ZNF470: variants seen among roughly 807,000 people sequenced by gnomAD.
ZNF470 encodes the protein zinc finger protein 470.
Under a neutral mutation model 13.9 loss-of-function variants are expected in ZNF470, and 13 were observed. The ratio of observed to expected loss-of-function variants is 0.94; its 90% confidence interval spans 0.61 to 1.49. The LOEUF (loss-of-function observed/expected upper bound fraction) is 1.49, where lower values mean the gene tolerates loss of function less well. ZNF470 is among the 40% of genes most tolerant of loss of function. ZNF470 has a pLI of 0.00. For synonymous variants in ZNF470, 293 were observed against 282.9 expected, an observed-to-expected ratio of 1.04 and a Z score of -0.36; for missense variants, 929 against 857.3, an observed-to-expected ratio of 1.08 and a Z score of -1.04.
Position 56,573,923 on chromosome 19 carries a change from A to T in ZNF470, c.61-471A>T, listed in dbSNP as rs192889771. The T allele has an allele frequency of 3.1e-6, 3 of 982,518 alleles. No homozygotes were observed. In the African/African-American group the frequency reaches 5.2e-5, roughly 17 times the overall value. 60.9% of individuals were successfully genotyped at this position (982,518 alleles called of 1,614,324 possible). A position where few individuals can be genotyped will look rare whatever the true frequency, so the allele number is the denominator to read the frequency against. ...TTTCATTTTTTAGGCATACCTCTTA[A>T]CATCTCAAGAACACTAAGATTTCTT... On this transcript the variant is annotated intron_variant, in intron 3 of 5. Coordinates refer to ENST00000330619, the MANE Select transcript of ZNF470 (RefSeq NM_001001668.4).
At chr19:56,571,495 CTG>C (rs2044451613) in intron 3 of ZNF470, among the ~76,000 whole-genome samples, 1 of 152,274 alleles carries the variant, frequency 6.6e-6, no homozygotes, top group African/African-American at 2.4e-5. Context: ...TTAAGATAAA[CTG>C]TTAATCTAGT....
rs2044504147 is a variant in ZNF470, at chr19:56,577,939, A to G, written c.1510A>G (p.Thr504Ala). The change falls in exon 6 of 6, where the codon ACT becomes GCT. Residue 504 changes from threonine to alanine, a missense_variant. Coordinates refer to ENST00000330619, the MANE Select transcript of ZNF470 (RefSeq NM_001001668.4). ...TCTGGCTCATCATCAGAGAATTCAT[A>G]CTGGAGAGAAACCTTATGAATGTAA... is the stretch of plus-strand genomic sequence containing the variant. ...THLAHHQRIH[T>A]GEKPYECKEC... 1.9e-6 allele frequency: 3 copies of G among 1,614,004 alleles called. No homozygotes were observed. Among genetic ancestry groups the G allele is most frequent in the Non-Finnish European group, 1.7e-6 (2 of 1,180,022 alleles).
At chr19:56,569,224 A>G (rs1431000908) in intron 2 of ZNF470, among the ~76,000 whole-genome samples, 2 of 152,178 alleles carry the variant, frequency 1.3e-5, no homozygotes, top group African/African-American at 4.8e-5. Context: ...CTTCCTTCCT[A>G]ATTAAGGAAA....
chr19:56,581,276 C>A lies in ZNF470; in HGVS notation c.*2693C>A. 1.5e-6 allele frequency: 1 copy of A among 672,556 alleles called. No individual in the cohort carries two copies. Among genetic ancestry groups the A allele is most frequent in the Non-Finnish European group, 1.8e-6 (1 of 544,706 alleles). 41.7% of individuals were successfully genotyped at this position (672,556 alleles called of 1,614,324 possible). ...CAATATCACTAGAAATCAAGAAATG[C>A]AAATTAAAGTGATTATCTACTTTTT... On this transcript the variant is annotated 3_prime_UTR_variant, in exon 6 of 6. Coordinates refer to ENST00000330619, the MANE Select transcript of ZNF470 (RefSeq NM_001001668.4).
rs1407675101 is a variant in ZNF470 at position 56,574,137 on chromosome 19, T to C, written c.61-257T>C. 6.6e-6 allele frequency: 4 copies of C among 609,684 alleles called. No individual in the cohort carries two copies. The East Asian group carries it at 1.3e-4, about 20-fold the overall frequency. 37.8% of individuals were successfully genotyped at this position (609,684 alleles called of 1,614,324 possible). ...GTAGTCAGCATTTTTTCATTGGTAA[T>C]GTATTCTCGCCACCTAGAATTGCAA... is the stretch of plus-strand genomic sequence containing the variant. On this transcript the variant is annotated intron_variant, in intron 3 of 5. Coordinates refer to ENST00000330619, the MANE Select transcript of ZNF470 (RefSeq NM_001001668.4).
At chr19:56,575,062 A>G (rs1309887236) in intron 5 of ZNF470, among the ~76,000 whole-genome samples, 1 of 152,182 alleles carries the variant, frequency 6.6e-6, no homozygotes, top group African/African-American at 2.4e-5. Context: ...GAACTGGTTT[A>G]AATATTTTCC....
At position 56,577,713 on chromosome 19, in the gene ZNF470, T is replaced by A. The variant is rs764693087; in HGVS notation, c.1284T>A (p.Asn428Lys). Residue 428 changes from asparagine to lysine, a missense_variant, in exon 6 of 6, where the codon AAT becomes AAA. Physicochemically the swap from Asn to Lys is moderately conservative, Grantham distance 94 (BLOSUM62 0). Transcript: ENST00000330619. The part of the protein sequence containing the change: ...THTGERPYKC[N>K]VCGKAFSHGS... ...CTGGAGAGAGACCTTACAAATGTAA[T>A]GTGTGTGGGAAGGCTTTTAGCCATG... 4.3e-6 allele frequency: 7 copies of A among 1,610,748 alleles called. No homozygotes were observed. The South Asian group carries it at 7.7e-5, about 18-fold the overall frequency.
At chr19:56,574,557 C>A in intron 4 of ZNF470, 37 bp downstream of exon 4, 2 of 1,612,236 alleles carry the variant, frequency 1.2e-6, no homozygotes, top group Non-Finnish European at 1.7e-6. Flanking sequence ...CCCCATGACT[C>A]AGTAGTCTTT....
Position 56,577,398 on chromosome 19 carries a change from G to T in ZNF470, c.969G>T (p.Gln323His), listed in dbSNP as rs748413602. The T allele has an allele frequency of 1.9e-6, 3 of 1,613,856 alleles. No homozygotes were observed. Among genetic ancestry groups the T allele is most frequent in the East Asian group, 4.5e-5 (2 of 44,866 alleles). ...QCKQCNKAFS[Q>H]LAHLAQHQRV... ...AGCAGTGTAATAAAGCATTCAGCCA[G>T]CTTGCACACCTTGCTCAACATCAGA... Residue 323 changes from glutamine (Q) to histidine (H), a missense_variant, in exon 6 of 6, where the codon CAG (glutamine) becomes CAT (histidine). Gln to His is a conservative substitution (Grantham distance 24). Transcript: ENST00000330619.
chr19:56,570,842 C>T (rs1200333426), intron 3 of ZNF470, among the ~76,000 whole-genome samples: 1 of 152,154 alleles, frequency 6.6e-6, no homozygotes, highest in Non-Finnish European at 1.5e-5. Context: ...CCATTAATAG[C>T]CCATATGATG....
At chr19:56,568,327 A>G (rs917972037) in intron 1 of ZNF470, among the ~76,000 whole-genome samples, 4 of 152,106 alleles carry the variant, frequency 2.6e-5, no homozygotes, top group Non-Finnish European at 5.9e-5. Flanking sequence ...CCATTATAGC[A>G]TTACTTCTGG....
At position 56,581,412 on chromosome 19, in the gene ZNF470, A is replaced by G. The variant is rs1428371290; in HGVS notation, c.*2829A>G. The G allele has an allele frequency of 3.1e-6, 3 of 969,494 alleles. No individual in the cohort carries two copies. The highest frequency in any genetic ancestry group is 3.7e-6 in the Non-Finnish European group (3 of 815,542). The allele number at this position is 969,494 out of a possible 1,614,324, so 60.1% of individuals were successfully genotyped here. ...TATTGCTTTATGTATATACCCTTTG[A>G]ATTAATATTCCTTGGAAACCAACAT... On this transcript the variant is annotated 3_prime_UTR_variant, in exon 6 of 6. Coordinates refer to ENST00000330619, the MANE Select transcript of ZNF470 (RefSeq NM_001001668.4).
rs1286273704 is a variant in ZNF470, at chr19:56,580,034, T to A, written c.*1451T>A. 11 of 554,968 alleles carry A rather than the reference T, an allele frequency of 2.0e-5. No individual in the cohort carries two copies. Among genetic ancestry groups the A allele is most frequent in the Non-Finnish European group, 2.5e-5 (11 of 437,312 alleles). 34.4% of individuals were successfully genotyped at this position (554,968 alleles called of 1,614,324 possible). ...AAAATACGTGCTCTTACAGATCTAG[T>A]AGAACAGAAAAAATTAAATGCATGC... On this transcript the variant is annotated 3_prime_UTR_variant, in exon 6 of 6. Transcript: ENST00000330619.
At position 56,581,042 on chromosome 19, in the gene ZNF470, G is replaced by C; in HGVS notation, c.*2459G>C. 1 of 985,218 alleles carries C rather than the reference G, an allele frequency of 1.0e-6. No individual in the cohort carries two copies. The highest frequency in any genetic ancestry group is 1.7e-5 in the African/African-American group (1 of 57,318). The allele number at this position is 985,218 out of a possible 1,614,324, so 61.0% of individuals were successfully genotyped here. ...TTAAGCACTAATGCATAACCCCAAA[G>C]CTGACATTAGGCTTTTATATGGTGG... On this transcript the variant is annotated 3_prime_UTR_variant, in exon 6 of 6. Transcript: ENST00000330619.
At chr19:56,571,214 T>C (rs2044449650) in intron 3 of ZNF470, among the ~76,000 whole-genome samples, 1 of 152,234 alleles carries the variant, frequency 6.6e-6, no homozygotes, top group African/African-American at 2.4e-5. Flanking sequence ...CTTTCTTCTT[T>C]CTAGGTTGAA....
chr19:56,582,622 T>C lies in ZNF470; in HGVS notation c.*4039T>C, dbSNP rs1405236603. 1.0e-6 allele frequency: 1 copy of C among 969,264 alleles called. No homozygotes were observed. The highest frequency in any genetic ancestry group is 1.2e-6 in the Non-Finnish European group (1 of 815,324). The allele number at this position is 969,264 out of a possible 1,614,324, so 60.0% of individuals were successfully genotyped here. A position where few individuals can be genotyped will look rare whatever the true frequency, so the allele number is the denominator to read the frequency against. ...TCCTAAACCCCAACATGACTGTATT[T>C]GGACATAAGGCCTTTAAGAAACTAA... On this transcript the variant is annotated 3_prime_UTR_variant, in exon 6 of 6. Coordinates refer to ENST00000330619, the MANE Select transcript of ZNF470 (RefSeq NM_001001668.4).
rs2044521222 is a variant in ZNF470 at position 56,579,710 on chromosome 19, T to C, written c.*1127T>C. On this transcript the variant is annotated 3_prime_UTR_variant, in exon 6 of 6. Coordinates refer to ENST00000330619, the MANE Select transcript of ZNF470 (RefSeq NM_001001668.4). ...ATGTACACTGCAATTAGTTTCTGAATGTAGATGTTACAACTTAAACTTATT... is the reference window on the plus strand; with the variant it reads ...ATGTACACTGCAATTAGTTTCTGAACGTAGATGTTACAACTTAAACTTATT... The C allele has an allele frequency of 2.0e-6, 2 of 984,606 alleles. No homozygotes were observed. Among genetic ancestry groups the C allele is most frequent in the Non-Finnish European group, 1.2e-6 (1 of 829,188 alleles). The allele number at this position is 984,606 out of a possible 1,614,324, so 61.0% of individuals were successfully genotyped here. A position where few individuals can be genotyped will look rare whatever the true frequency, so the allele number is the denominator to read the frequency against.
chr19:56,577,811 C>A lies in ZNF470; in HGVS notation c.1382C>A (p.Ala461Asp). Residue 461 changes from alanine to aspartate, a missense_variant, in exon 6 of 6, where the codon GCC (alanine) becomes GAC (aspartate). Physicochemically the swap from Ala to Asp is moderately radical, Grantham distance 126 (BLOSUM62 -2). Coordinates refer to ENST00000330619, the MANE Select transcript of ZNF470 (RefSeq NM_001001668.4). ...TATGAATGCAATATCTGTGAGAAAG[C>A]CTTCAGCCATCGTGGGTCTCTTACT... ...KPYECNICEK[A>D]FSHRGSLTLH... 1 of 1,613,776 alleles carries A rather than the reference C, an allele frequency of 6.2e-7. No individual in the cohort carries two copies. The highest frequency in any genetic ancestry group is 1.1e-5 in the South Asian group (1 of 91,056).
chr19:56,578,107 A>G lies in ZNF470; in HGVS notation c.1678A>G (p.Thr560Ala), dbSNP rs758894880. The stretch of plus-strand genomic sequence containing the variant: ...CCTTGTTCAGCACCAGAGAGTTCAT[A>G]CTGGTGAGAAGCCTTACGAATGTAT... Reference protein sequence around the residue: ...AHLVQHQRVHTGEKPYECIEC... With the variant: ...AHLVQHQRVHAGEKPYECIEC... Residue 560 changes from threonine (T) to alanine (A), a missense_variant, in exon 6 of 6, where the codon ACT becomes GCT. Coordinates refer to ENST00000330619, the MANE Select transcript of ZNF470 (RefSeq NM_001001668.4). 3.1e-6 allele frequency: 5 copies of G among 1,614,038 alleles called. No individual in the cohort carries two copies. The highest frequency in any genetic ancestry group is 1.6e-4 in the Middle Eastern group (1 of 6,062).
Sources: allele counts gnomAD v4.1 joint callset (sites outside exome capture counted in the v4.1 genomes callset), GRCh38; gene constraint gnomAD v4.1.1; transcripts MANE v1.5; gene names NCBI Gene and HGNC (gene_info 2026-07-23, HGNC 2026-07-21).